The following DARS1 variants were observed in gnomAD, a reference collection of about 807,000 sequenced individuals.
DARS1 encodes aspartate--tRNA ligase, cytoplasmic.
In DARS1, 51 loss-of-function variants were observed where a neutral mutation model predicts 68.8. That is an observed-to-expected ratio of 0.74 (90% confidence interval 0.59 to 0.94). The LOEUF (loss-of-function observed/expected upper bound fraction) is 0.94, where lower values mean the gene tolerates loss of function less well. DARS1 is among the 40% of genes least tolerant of loss of function. The pLI is 0.00. For synonymous variants in DARS1, 203 were observed against 190.4 expected (o/e 1.07, Z -0.55); for missense variants, 607 against 597.3 (o/e 1.02, Z -0.17).
chr2:135,981,462 A>G (rs1475726892), intron 2 of DARS1, among the ~76,000 whole-genome samples: 1 of 152,200 alleles, frequency 6.6e-6, no homozygotes, highest in African/African-American at 2.4e-5. Context: ...GAGTGCTGAC[A>G]TGATGGTCAA....
chr2:135,973,530 A>G (rs1163235781), intron 3 of DARS1, among the ~76,000 whole-genome samples: 1 of 152,066 alleles, frequency 6.6e-6, no homozygotes, highest in African/African-American at 2.4e-5. Flanking sequence ...GGGGGACTAC[A>G]GCCAATAATA....
intron 7 of DARS1, among the ~76,000 whole-genome samples, chr2:135,932,551 G>C (rs1681374643): frequency 6.6e-6 from 1 of 152,246 alleles, no homozygotes; most frequent in Non-Finnish European, 1.5e-5. Flanking sequence ...AAATTCATTT[G>C]TCATTTTAAA....
chr2:135,924,676 A>G (rs1681177171), intron 7 of DARS1, among the ~76,000 whole-genome samples, 178 bp from the exon 8 acceptor site: 2 of 152,266 alleles, frequency 1.3e-5, no homozygotes, highest in African/African-American at 4.8e-5. Context: ...ATGCTGGAAT[A>G]CAATGACTAT....
In DARS1 at chr2:135,934,084, AAT is replaced by A; in HGVS notation, c.424-96_424-95del. The A allele has an allele frequency of 2.7e-6, 4 of 1,504,520 alleles. No homozygotes were observed. In the South Asian group the frequency reaches 5.1e-5, roughly 19 times the overall value. 93.2% of individuals were successfully genotyped at this position (1,504,520 alleles called of 1,614,324 possible). A position where few individuals can be genotyped will look rare whatever the true frequency, so the allele number is the denominator to read the frequency against. On this transcript the variant is annotated intron_variant, in intron 5 of 15. Coordinates refer to ENST00000264161, the MANE Select transcript of DARS1 (RefSeq NM_001349.4). Reference sequence around the variant, plus strand: ...TCTACAGTTGACTTAAGCATGAAGCAATGTTTGCATACATCTTTAATTGAAAC... The same window carrying A: ...TCTACAGTTGACTTAAGCATGAAGCAGTTTGCATACATCTTTAATTGAAAC...
intron 4 of DARS1, among the ~76,000 whole-genome samples, chr2:135,960,767 A>G (rs571325618): frequency 1.3e-5 from 2 of 152,314 alleles, no homozygotes; most frequent in Admixed American, 1.3e-4. Flanking sequence ...GCCACTGCAC[A>G]CACAACCACA....
chr2:135,947,288 G>A (rs934528614), intron 4 of DARS1, among the ~76,000 whole-genome samples: 2 of 151,740 alleles, frequency 1.3e-5, no homozygotes, highest in Non-Finnish European at 1.5e-5. Context: ...TGGCCCTGTA[G>A]CCCCAGCTAC....
intron 4 of DARS1, among the ~76,000 whole-genome samples, chr2:135,952,970 C>T (rs1681875964): frequency 6.6e-6 from 1 of 152,154 alleles, no homozygotes. Context: ...TCCATAGAGG[C>T]TATACTAATT....
chr2:135,921,122 C>T (rs189674491), intron 9 of DARS1, among the ~76,000 whole-genome samples: 1 of 149,732 alleles, frequency 6.7e-6, no homozygotes, highest in East Asian at 2.1e-4. Context: ...AGCTAATATC[C>T]AGTCCAGCCT....
At chr2:135,965,385 T>C (rs1158804444) in intron 3 of DARS1, among the ~76,000 whole-genome samples, 1 of 151,904 alleles carries the variant, frequency 6.6e-6, no homozygotes, top group African/African-American at 2.4e-5. Context: ...GAGATCCCAA[T>C]AGATAAACAG....
At chr2:135,975,115 T>A (rs1575408032) in intron 3 of DARS1, among the ~76,000 whole-genome samples, 1 of 151,624 alleles carries the variant, frequency 6.6e-6, no homozygotes. Flanking sequence ...GAGGCTGAGG[T>A]GGGTGGATCA....
chr2:135,962,103 C>G (rs980132845), intron 3 of DARS1, among the ~76,000 whole-genome samples: 15 of 152,022 alleles, frequency 9.9e-5, no homozygotes, highest in African/African-American at 3.6e-4. Context: ...TTATGAGTCT[C>G]GCATTTTTTT....
intron 2 of DARS1, among the ~76,000 whole-genome samples, chr2:135,982,163 AG>A (rs1682648866): frequency 2.0e-5 from 3 of 152,242 alleles, no homozygotes; most frequent in Admixed American, 2.0e-4. Flanking sequence ...GTCTACCAAA[AG>A]AAAAATTACT....
intron 4 of DARS1, among the ~76,000 whole-genome samples, chr2:135,958,697 A>C (rs1682031931): frequency 6.6e-6 from 1 of 152,218 alleles, no homozygotes. Context: ...AGTCTTAGCC[A>C]TAAGAATTTT....
chr2:135,938,000 C>T (rs1301371368), intron 5 of DARS1, among the ~76,000 whole-genome samples: 4 of 152,066 alleles, frequency 2.6e-5, no homozygotes, highest in Admixed American at 6.6e-5. Context: ...ATCTTTGTGG[C>T]GTTCTCTGTA....
At chr2:135,928,041 G>A (rs567975880) in intron 7 of DARS1, among the ~76,000 whole-genome samples, 102 of 152,266 alleles carry the variant, frequency 6.7e-4, no homozygotes, top group African/African-American at 2.3e-3. Flanking sequence ...AAAGAATTTC[G>A]ATAGGAGACA....
chr2:135,955,673 CTTTTTTTTTTTTT>C (rs75123258), intron 4 of DARS1, among the ~76,000 whole-genome samples: 25 of 61,338 alleles, frequency 4.1e-4, no homozygotes, highest in African/African-American at 7.3e-4. Flanking sequence ...AAATAAAAAT[CTTTTTTTTTTTTT>C]TTTTTTTTTT....
intron 3 of DARS1, among the ~76,000 whole-genome samples, chr2:135,969,558 T>G (rs1300330470): frequency 2.6e-5 from 4 of 151,254 alleles, no homozygotes; most frequent in African/African-American, 9.7e-5. Flanking sequence ...TTAAAAATGA[T>G]GAAGACCAGA....
At chr2:135,950,835 T>C (rs74674565) in intron 4 of DARS1, among the ~76,000 whole-genome samples, 3,494 of 152,198 alleles carry the variant, frequency 0.023, 104 homozygotes, top group African/African-American at 0.068. Flanking sequence ...AGCCTGGTGT[T>C]AGATGATGGA....
chr2:135,963,781 G>A (rs1260939136), intron 3 of DARS1, among the ~76,000 whole-genome samples: 1 of 151,880 alleles, frequency 6.6e-6, no homozygotes, highest in Non-Finnish European at 1.5e-5. Context: ...CTGGGTTCAA[G>A]CAATTCTCCT....
Sources: allele counts gnomAD v4.1 joint callset (sites outside exome capture counted in the v4.1 genomes callset), GRCh38; gene constraint gnomAD v4.1.1; transcripts MANE v1.5; gene names NCBI Gene and HGNC (gene_info 2026-07-23, HGNC 2026-07-21).